Variants in ADGRG4 observed in about 807,000 individuals in gnomAD.
ADGRG4 encodes adhesion G protein-coupled receptor G4.
ADGRG4 carries 122 observed loss-of-function variants against 126.2 expected under a neutral mutation model. That is an observed-to-expected ratio of 0.97 (90% CI 0.83 to 1.12). The LOEUF is 1.12. ADGRG4 is among the 50% of genes most tolerant of loss of function. The probability of loss-of-function intolerance (pLI) is 0.00; values close to 1 mark genes in which losing one functional copy is unlikely to be tolerated. For missense variants in ADGRG4, 2,481 were observed against 2,251.8 expected (o/e 1.10, Z -2.06); for synonymous variants, 943 against 838.7 (o/e 1.12, Z -2.15).
intron 20 of ADGRG4, among the ~76,000 whole-genome samples, chrX:136,399,109 G>T (rs1157413897): frequency 9.0e-6 from 1 of 111,600 alleles, no homozygotes; most frequent in African/African-American, 3.3e-5. Context: ...TGAGAGTATT[G>T]GTTACCTCTG....
chrX:136,405,616 C>A, intron 22 of ADGRG4, 76 bp from the exon 23 acceptor site: 1 of 806,106 alleles, frequency 1.2e-6, no homozygotes, highest in Non-Finnish European at 1.7e-6. Context: ...ATAAAATTGA[C>A]TAGATGATCT....
At chrX:136,372,121 CCA>C (rs2075198527) in intron 14 of ADGRG4, among the ~76,000 whole-genome samples, 3 of 110,998 alleles carry the variant, frequency 2.7e-5, no homozygotes, top group African/African-American at 6.5e-5. Context: ...AACCAAACCC[CCA>C]GTCTATTCCC....
In ADGRG4 at chrX:136,359,385, A is replaced by G. The variant is rs759725498; in HGVS notation, c.7074A>G (p.Thr2358=). ...AAAGTAAAATACATGGCAACTTCAC[A>G]CATGGAAACTTCACACAAGATCAAT... ...KIKSKIHGNF[T]HGNFTQDQLT... Residue 2358 remains threonine, a synonymous_variant, in exon 11 of 26, where the codon ACA becomes ACG. Transcript: ENST00000394143. The G allele has an allele frequency of 8.0e-5, 97 of 1,206,892 alleles. No individual in the cohort carries two copies. The highest frequency in any genetic ancestry group is 1.0e-4 in the Non-Finnish European group (92 of 892,473).
intron 5 of ADGRG4, among the ~76,000 whole-genome samples, chrX:136,338,271 C>A (rs760094477): frequency 1.3e-4 from 14 of 109,557 alleles, no homozygotes; most frequent in African/African-American, 4.7e-4. Context: ...GATTCTCATA[C>A]CTCAGCCTCC....
chrX:136,372,454 G>A (rs961454325), intron 14 of ADGRG4, among the ~76,000 whole-genome samples: 4 of 111,336 alleles, frequency 3.6e-5, no homozygotes, highest in Non-Finnish European at 3.8e-5. Flanking sequence ...CATAGCACCC[G>A]GAGTAATCTT....
intron 5 of ADGRG4, among the ~76,000 whole-genome samples, chrX:136,340,014 TA>T (rs760503774): frequency 9.1e-6 from 1 of 110,143 alleles, no homozygotes; most frequent in Non-Finnish European, 1.9e-5. Context: ...CCATTTAGGA[TA>T]AAAAAAATCC....
chrX:136,399,785 G>A (rs183010810), intron 20 of ADGRG4, 63 bp from the exon 21 acceptor site: 92 of 947,743 alleles, frequency 9.7e-5, no homozygotes, highest in Admixed American at 5.8e-4. Context: ...ATAAGATGTG[G>A]CGATGTTTAA....
intron 5 of ADGRG4, among the ~76,000 whole-genome samples, chrX:136,339,612 C>T (rs918481181): frequency 2.7e-5 from 3 of 112,271 alleles, no homozygotes; most frequent in African/African-American, 9.7e-5. Context: ...GGGCCTGGGC[C>T]GCATTTTTAT....
chrX:136,323,417 C>T (rs759666904), intron 5 of ADGRG4, 25 bp downstream of exon 5: 1 of 1,176,600 alleles, frequency 8.5e-7, no homozygotes, highest in South Asian at 2.0e-5. Flanking sequence ...AACTTTTTTC[C>T]TTAGCAAGGG....
chrX:136,323,316 A>G lies in ADGRG4; in HGVS notation c.609A>G (p.Gly203=), dbSNP rs745514259. 8.3e-7 allele frequency: 1 copy of G among 1,207,707 alleles called. No homozygotes were observed. Among genetic ancestry groups the G allele is most frequent in the Non-Finnish European group, 1.1e-6 (1 of 893,987 alleles). The part of the protein sequence containing the change: ...ENEEFMKCLD[G]NIVSWEEDVW... ...AAGAGTTTATGAAGTGTTTAGATGG[A>G]AATATAGTTAGTTGGGAAGAAGACG... The change falls in exon 5 of 26, where the codon GGA becomes GGG. Residue 203 remains glycine, a synonymous_variant. Transcript: ENST00000394143.
intron 15 of ADGRG4, among the ~76,000 whole-genome samples, chrX:136,383,158 T>C (rs1057115953): frequency 8.9e-6 from 1 of 112,370 alleles, no homozygotes; most frequent in Non-Finnish European, 1.9e-5. Context: ...TTGTTGGATA[T>C]AAATAGCAAT....
Position 136,349,885 on chromosome X carries a change from C to A in ADGRG4, c.6179C>A (p.Pro2060His). 1 of 1,210,327 alleles carries A rather than the reference C, an allele frequency of 8.3e-7. No individual in the cohort carries two copies. Among genetic ancestry groups the A allele is most frequent in the East Asian group, 3.0e-5 (1 of 33,817 alleles). ...AHPFTNLTTL[P>H]SATMSTILTR... is the part of the protein sequence containing the mutation. ...CCATTCACTAACTTGACAACACTAC[C>A]CTCTGCTACTATGAGCACCATACTC... is the stretch of plus-strand genomic sequence containing the variant. The change falls in exon 6 of 26, where the codon CCC (proline) becomes CAC (histidine). Residue 2060 changes from proline to histidine, a missense_variant. Transcript: ENST00000394143.
chrX:136,349,429 A>G lies in ADGRG4; in HGVS notation c.5723A>G (p.Glu1908Gly). 1 of 1,207,191 alleles carries G rather than the reference A, an allele frequency of 8.3e-7. No homozygotes were observed. The highest frequency in any genetic ancestry group is 1.1e-6 in the Non-Finnish European group (1 of 891,483). Residue 1908 changes from glutamate to glycine, a missense_variant, in exon 6 of 26, where the codon GAA becomes GGA. Physicochemically the swap from Glu to Gly is moderately conservative, Grantham distance 98 (BLOSUM62 -2). Transcript: ENST00000394143. Reference protein sequence around the residue: ...TINVPTSNEMETETLHLVPGP... With the variant: ...TINVPTSNEMGTETLHLVPGP... Reference sequence around the variant, plus strand: ...AATGTACCTACATCCAATGAGATGGAAACAGAGACTCTACACCTTGTTCCT... The same window carrying G: ...AATGTACCTACATCCAATGAGATGGGAACAGAGACTCTACACCTTGTTCCT...
Position 136,323,054 on chromosome X carries a change from C to G in ADGRG4, c.347C>G (p.Ser116Ter), listed in dbSNP as rs1344539018. Residue 116 changes from serine (S) to a stop codon, truncating the protein, a stop_gained, in exon 5 of 26, where the codon TCA (serine) becomes TGA (stop). Coordinates refer to ENST00000394143, the MANE Select transcript of ADGRG4 (RefSeq NM_153834.4). LOFTEE classifies it high-confidence loss of function. ...KTFSIRHHLA[S>*]FQWHTICLIW... ...TTTTCTATCCGTCACCACCTGGCTTCATTTCAATGGCATACAATATGCTTG... is the reference window on the plus strand; with the variant it reads ...TTTTCTATCCGTCACCACCTGGCTTGATTTCAATGGCATACAATATGCTTG... The G allele has an allele frequency of 1.7e-6, 2 of 1,211,413 alleles. No homozygotes were observed. Among genetic ancestry groups the G allele is most frequent in the Admixed American group, 4.3e-5 (2 of 46,029 alleles).
At chrX:136,319,530 A>T (rs1159401041) in intron 4 of ADGRG4, among the ~76,000 whole-genome samples, 1 of 111,771 alleles carries the variant, frequency 8.9e-6, no homozygotes, top group East Asian at 2.8e-4. Context: ...TGTGCCAGAC[A>T]CTGTGCTGAG....
chrX:136,373,521 G>A (rs184270879), intron 15 of ADGRG4, among the ~76,000 whole-genome samples: 1 of 111,797 alleles, frequency 8.9e-6, no homozygotes, highest in Non-Finnish European at 1.9e-5. Context: ...GTTATAGGCT[G>A]CCAACCCTAC....
At position 136,348,836 on chromosome X, in the gene ADGRG4, T is replaced by G; in HGVS notation, c.5130T>G (p.Asp1710Glu). The G allele has an allele frequency of 8.3e-7, 1 of 1,209,745 alleles. No individual in the cohort carries two copies. The highest frequency in any genetic ancestry group is 1.1e-6 in the Non-Finnish European group (1 of 894,852). The change falls in exon 6 of 26, where the codon GAT (aspartate) becomes GAG (glutamate). Residue 1710 changes from aspartate to glutamate, a missense_variant. By Grantham distance (45) the Asp-to-Glu change is conservative. Transcript: ENST00000394143. ...CAACTCAACAGTCATCACAAGCAGA[T>G]GAGGCTACAACTTTGGGCATATTAT... Reference protein sequence around the residue: ...LSATQQSSQADEATTLGILSG... With the variant: ...LSATQQSSQAEEATTLGILSG...
chrX:136,361,461 GA>G lies in ADGRG4; in HGVS notation c.7154del (p.Asn2385IlefsTer19). On this transcript the variant is annotated frameshift_variant, in exon 12 of 26. Transcript: ENST00000394143. LOFTEE classifies it high-confidence loss of function. ...GCATACATTTTCTCTGTAGAGCCTG[GA>G]AATTGCAAAGCTGATGAAACAGCCT... ...EHVAVKKLEP[G>X]NCKADETASK... is the part of the protein sequence containing the mutation. 1 of 1,166,053 alleles carries G rather than the reference GA, an allele frequency of 8.6e-7. No homozygotes were observed. The highest frequency in any genetic ancestry group is 2.1e-5 in the South Asian group (1 of 47,549).
rs376713347 is a variant in ADGRG4 at position 136,350,322 on chromosome X, G to A, written c.6616G>A (p.Ala2206Thr). 6.6e-6 allele frequency: 8 copies of A among 1,210,229 alleles called. No individual in the cohort carries two copies. The highest frequency in any genetic ancestry group is 8.9e-6 in the Non-Finnish European group (8 of 894,271). Residue 2206 changes from alanine (A) to threonine (T), a missense_variant, in exon 6 of 26, where the codon GCA becomes ACA. By Grantham distance (58) the Ala-to-Thr change is moderately conservative. Coordinates refer to ENST00000394143, the MANE Select transcript of ADGRG4 (RefSeq NM_153834.4). Reference sequence around the variant, plus strand: ...CACTGGGGTGACATATCCTTTTACAGCAACTGTGTCTTCACCAATATCGTC... The same window carrying A: ...CACTGGGGTGACATATCCTTTTACAACAACTGTGTCTTCACCAATATCGTC... ...ISTGVTYPFT[A>T]TVSSPISSFF...
Sources: gnomAD v4.1 joint callset for allele counts (sites outside exome capture counted in the v4.1 genomes callset) on GRCh38, gnomAD v4.1.1 for gene constraint, MANE v1.5 for transcripts, NCBI Gene and HGNC (gene_info 2026-07-23, HGNC 2026-07-21) for gene names.